SYNPR: variants seen among roughly 807,000 people sequenced by gnomAD.
SYNPR encodes the protein synaptoporin.
A neutral mutation model predicts 32.9 loss-of-function variants in SYNPR; 23 were observed. The observed-to-expected ratio is 0.70, with a 90% CI of 0.50 to 0.99. The LOEUF is 0.99. Ranked by LOEUF, SYNPR falls within the 50% of genes least tolerant of loss-of-function variation. The pLI, the probability that SYNPR is intolerant of heterozygous loss-of-function variation, is 0.00. For missense variants in SYNPR, 318 were observed against 349.3 expected (o/e 0.91, Z 0.71); for synonymous variants, 146 against 135.9 (o/e 1.07, Z -0.52).
intron 1 of SYNPR, among the ~76,000 whole-genome samples, chr3:63,234,928 A>G (rs920848263): frequency 6.6e-6 from 1 of 152,196 alleles, no homozygotes. Flanking sequence ...TTCATGTGCA[A>G]CTGTCACCAA....
At chr3:63,562,447 G>A (rs914289525) in intron 4 of SYNPR, among the ~76,000 whole-genome samples, 2 of 152,140 alleles carry the variant, frequency 1.3e-5, no homozygotes, top group African/African-American at 4.8e-5. Flanking sequence ...AAGATTTTGT[G>A]TAAAAGACAG....
At chr3:63,253,391 G>C (rs914238535) in intron 2 of SYNPR, among the ~76,000 whole-genome samples, 6 of 152,152 alleles carry the variant, frequency 3.9e-5, no homozygotes, top group African/African-American at 1.2e-4. Flanking sequence ...AACAACTGTA[G>C]CATCATTTGG....
chr3:63,203,601 GCC>G, the SYNPR span, among the ~76,000 whole-genome samples: 1 of 152,138 alleles, frequency 6.6e-6, no homozygotes, highest in Non-Finnish European at 1.5e-5. Context: ...TATCATTCTT[GCC>G]TCCTTCCAAT....
At chr3:63,414,750 C>T (rs1262159298) in intron 2 of SYNPR, among the ~76,000 whole-genome samples, 2 of 152,154 alleles carry the variant, frequency 1.3e-5, no homozygotes, top group Non-Finnish European at 2.9e-5. Context: ...TAAACTGAAG[C>T]TTTCCAGCCT....
Position 63,527,330 on chromosome 3 carries a change from G to A in SYNPR, c.210-29213G>A, listed in dbSNP as rs182436037. Reference sequence around the variant, plus strand: ...TGTCCTCATGGAGAGGAGATCCTAGGAGACATCTCTACTTCCAAATTACCA... The same window carrying A: ...TGTCCTCATGGAGAGGAGATCCTAGAAGACATCTCTACTTCCAAATTACCA... On this transcript the variant is annotated intron_variant, in intron 3 of 5. Transcript: ENST00000478300. Among the ~76,000 whole-genome samples the A allele has an allele frequency of 7.8e-4, 119 of 152,082 alleles. 1 individual carries two copies. The highest frequency in any genetic ancestry group is 2.7e-3 in the African/African-American group (113 of 41,468).
chr3:63,218,674 A>C, the SYNPR span, among the ~76,000 whole-genome samples: 1 of 152,226 alleles, frequency 6.6e-6, no homozygotes, highest in East Asian at 1.9e-4. Flanking sequence ...CAGCCTCCAA[A>C]AGTCCTGGGA....
intron 2 of SYNPR, among the ~76,000 whole-genome samples, chr3:63,389,897 A>G (rs1254413525): frequency 2.6e-5 from 4 of 152,244 alleles, no homozygotes; most frequent in Non-Finnish European, 4.4e-5. Flanking sequence ...ATGTATAAAT[A>G]AAAGCTCTTT....
intron 2 of SYNPR, among the ~76,000 whole-genome samples, chr3:63,327,688 A>T (rs192180441): frequency 5.5e-4 from 84 of 152,282 alleles, no homozygotes; most frequent in South Asian, 1.2e-3. Flanking sequence ...GATACAAAAG[A>T]CAGTACAATA....
At chr3:63,454,057 G>A (rs4688399) in intron 2 of SYNPR, among the ~76,000 whole-genome samples, 45,151 of 151,868 alleles carry the variant, frequency 0.3, 7,324 homozygotes, top group African/African-American at 0.42. Context: ...TATTCATTCA[G>A]TAAATGTTTA....
chr3:63,361,157 T>A (rs1164426568), intron 2 of SYNPR, among the ~76,000 whole-genome samples: 1 of 152,200 alleles, frequency 6.6e-6, no homozygotes, highest in Non-Finnish European at 1.5e-5. Flanking sequence ...AGAGTCTCAA[T>A]GGCCTATGCT....
intron 2 of SYNPR, among the ~76,000 whole-genome samples, chr3:63,283,982 G>A (rs2086656592): frequency 6.6e-6 from 1 of 151,772 alleles, no homozygotes; most frequent in African/African-American, 2.4e-5. Context: ...CTAATTTTTT[G>A]TATTTTTAGT....
At chr3:63,519,189 G>A (rs1449916688) in intron 3 of SYNPR, among the ~76,000 whole-genome samples, 7 of 152,082 alleles carry the variant, frequency 4.6e-5, no homozygotes, top group South Asian at 2.1e-4. Context: ...TTTTTGCATC[G>A]ATGTTCATCA....
At chr3:63,516,328 A>G (rs991713975) in intron 3 of SYNPR, among the ~76,000 whole-genome samples, 4 of 152,110 alleles carry the variant, frequency 2.6e-5, no homozygotes, top group African/African-American at 9.7e-5. Flanking sequence ...TGGAAATGCC[A>G]AAGTTGGATT....
chr3:63,292,118 T>C (rs1026579888), intron 2 of SYNPR, among the ~76,000 whole-genome samples: 1 of 152,182 alleles, frequency 6.6e-6, no homozygotes, highest in African/African-American at 2.4e-5. Flanking sequence ...GGTAAAAATT[T>C]AGTATTATAA....
chr3:63,443,518 G>A (rs769138225), intron 2 of SYNPR: 1 of 1,579,174 alleles, frequency 6.3e-7, no homozygotes, highest in Non-Finnish European at 8.6e-7. Context: ...GGATATGTGT[G>A]TGCATGTATG....
At chr3:63,471,867 G>T (rs1700806871) in intron 2 of SYNPR, among the ~76,000 whole-genome samples, 1 of 152,198 alleles carries the variant, frequency 6.6e-6, no homozygotes, top group Non-Finnish European at 1.5e-5. Flanking sequence ...TTGTGAAGCT[G>T]CATGAAAGTG....
upstream of SYNPR, chr3:63,228,299 A>G (rs935397490): frequency 1.3e-5 from 2 of 152,192 alleles, no homozygotes; most frequent in African/African-American, 4.8e-5. Context: ...ATGTAGTATC[A>G]ATTGGATCAG....
rs1039102343 is a variant in SYNPR at position 63,616,899 on chromosome 3, T to A, written c.*1418T>A. ...AAACTGTATTGTGATATCTATTTGA[T>A]GTTAATAAAGTTATTGCATACAGTG... On this transcript the variant is annotated 3_prime_UTR_variant, in exon 6 of 6. Coordinates refer to ENST00000478300, the MANE Select transcript of SYNPR (RefSeq NM_001130003.2). 2 of 152,220 alleles carry A rather than the reference T, an allele frequency of 1.3e-5. No individual in the cohort carries two copies. The highest frequency in any genetic ancestry group is 4.8e-5 in the African/African-American group (2 of 41,450). The allele number at this position is 152,220 out of a possible 1,614,324, so 9.4% of individuals were successfully genotyped here. A position where few individuals can be genotyped will look rare whatever the true frequency, so the allele number is the denominator to read the frequency against.
intron 2 of SYNPR, among the ~76,000 whole-genome samples, chr3:63,325,116 CT>C (rs558393462): frequency 1.0e-3 from 153 of 152,166 alleles, no homozygotes; most frequent in African/African-American, 3.6e-3. Context: ...AGGTTAGAAG[CT>C]GAAAAATTCT....
Sources: allele counts gnomAD v4.1 joint callset (sites outside exome capture counted in the v4.1 genomes callset), GRCh38; gene constraint gnomAD v4.1.1; transcripts MANE v1.5; gene names NCBI Gene and HGNC (gene_info 2026-07-23, HGNC 2026-07-21).